Variants in ALMS1 observed in about 807,000 individuals in gnomAD.
The protein encoded by ALMS1 is centrosome-associated protein ALMS1.
In ALMS1, 271 loss-of-function variants were observed where a neutral mutation model predicts 352.2. The ratio of observed to expected loss-of-function variants is 0.77; its 90% confidence interval spans 0.70 to 0.85. The LOEUF is 0.85. Among genes scored for constraint, ALMS1 ranks in the 40% least tolerant of loss-of-function variants. The pLI is 0.00. For missense variants in ALMS1, 5,445 were observed against 4,870.7 expected, an observed-to-expected ratio of 1.12 and a Z score of -3.51; for synonymous variants, 1,865 against 1,761.2, an observed-to-expected ratio of 1.06 and a Z score of -1.48.
chr2:73,595,787 T>C (rs1163158192), intron 16 of ALMS1, among the ~76,000 whole-genome samples: 5 of 152,226 alleles, frequency 3.3e-5, no homozygotes, highest in Admixed American at 3.3e-4. Flanking sequence ...CACTTCCTTG[T>C]CAACACTTGC....
intron 1 of ALMS1, among the ~76,000 whole-genome samples, chr2:73,393,107 C>G (rs757949350): frequency 6.6e-6 from 1 of 152,136 alleles, no homozygotes; most frequent in African/African-American, 2.4e-5. Flanking sequence ...CTATTCAGGT[C>G]AAACTTTTGC....
chr2:73,415,381 G>T (rs529314448), intron 2 of ALMS1, among the ~76,000 whole-genome samples: 1 of 152,288 alleles, frequency 6.6e-6, no homozygotes, highest in South Asian at 2.1e-4. Flanking sequence ...ATGGGTGAAG[G>T]AAAGTGGGAG....
At chr2:73,577,031 A>T in intron 16 of ALMS1, among the ~76,000 whole-genome samples, 1 of 152,148 alleles carries the variant, frequency 6.6e-6, no homozygotes, top group East Asian at 1.9e-4. Flanking sequence ...AATTCTGTTC[A>T]TATGCTGCTG....
intron 9 of ALMS1, among the ~76,000 whole-genome samples, chr2:73,467,574 T>G (rs1672381879): frequency 6.6e-6 from 1 of 152,138 alleles, no homozygotes; most frequent in South Asian, 2.1e-4. Context: ...ATGCCTTACC[T>G]GGGACACTTC....
At chr2:73,454,156 G>A (rs1056019392) in intron 8 of ALMS1, 89 bp downstream of exon 8, 19 of 1,520,968 alleles carry the variant, frequency 1.2e-5, no homozygotes, top group Non-Finnish European at 1.7e-5. Context: ...CTTAGCCAAT[G>A]AAAAATACAA....
At chr2:73,504,806 G>A (rs1054859128) in intron 10 of ALMS1, among the ~76,000 whole-genome samples, 4 of 151,804 alleles carry the variant, frequency 2.6e-5, no homozygotes, top group Admixed American at 6.6e-5. Context: ...AGGTATACAT[G>A]TGCCATGGTG....
At chr2:73,482,708 TGGA>T (rs1042181642) in intron 9 of ALMS1, among the ~76,000 whole-genome samples, 1 of 152,182 alleles carries the variant, frequency 6.6e-6, no homozygotes, top group Non-Finnish European at 1.5e-5. Context: ...CATCTGGTCC[TGGA>T]CTCTTTTTGG....
At chr2:73,581,112 A>G (rs1436569996) in intron 16 of ALMS1, among the ~76,000 whole-genome samples, 1 of 152,194 alleles carries the variant, frequency 6.6e-6, no homozygotes, top group Non-Finnish European at 1.5e-5. Flanking sequence ...CCTGGTATAC[A>G]TGGGAAATTT....
At chr2:73,536,638 G>A (rs1237844170) in intron 12 of ALMS1, among the ~76,000 whole-genome samples, 5 of 152,128 alleles carry the variant, frequency 3.3e-5, no homozygotes, top group Non-Finnish European at 1.5e-5. Flanking sequence ...ATAGCTATGA[G>A]AGGAGCCAAT....
At chr2:73,561,712 T>C (rs1242584350) in intron 15 of ALMS1, among the ~76,000 whole-genome samples, 2 of 152,164 alleles carry the variant, frequency 1.3e-5, no homozygotes, top group Non-Finnish European at 2.9e-5. Flanking sequence ...CTAAGGTGGT[T>C]AATTTAATGT....
Position 73,601,200 on chromosome 2 carries a change from T to G in ALMS1, c.11878T>G (p.Ser3960Ala). 1 of 1,614,196 alleles carries G rather than the reference T, an allele frequency of 6.2e-7. No homozygotes were observed. The highest frequency in any genetic ancestry group is 8.5e-7 in the Non-Finnish European group (1 of 1,180,034). Residue 3960 changes from serine (S) to alanine (A), a missense_variant, in exon 19 of 23, where the codon TCC (serine) becomes GCC (alanine). Physicochemically the swap from Ser to Ala is moderately conservative, Grantham distance 99 (BLOSUM62 1). Transcript: ENST00000613296. ...KNKKNSHEGV[S>A]WFVPVENVES... ...CTAAAAACTGTTTCCTGTAGGAGTT[T>G]CCTGGTTTGTTCCTGTGGAAAATGT...
At position 73,408,718 on chromosome 2, in the gene ALMS1, A is replaced by G. The variant is rs1215266126; in HGVS notation, c.421A>G (p.Thr141Ala). The change falls in exon 2 of 23, where the codon ACA (threonine) becomes GCA (alanine). Residue 141 changes from threonine (T) to alanine (A), a missense_variant. Coordinates refer to ENST00000613296, the MANE Select transcript of ALMS1 (RefSeq NM_001378454.1). ...TACTAATGTGGTCTGTTTGGAAACA[A>G]CAGCTCAGCGGGGTTCTGGGGATGA... ...SDTNVVCLET[T>A]AQRGSGDDQK... 3 of 1,613,656 alleles carry G rather than the reference A, an allele frequency of 1.9e-6. No homozygotes were observed. Among genetic ancestry groups the G allele is most frequent in the East Asian group, 2.2e-5 (1 of 44,846 alleles).
At chr2:73,486,912 C>T (rs532868170) in intron 9 of ALMS1, among the ~76,000 whole-genome samples, 16 of 151,944 alleles carry the variant, frequency 1.1e-4, no homozygotes, top group East Asian at 1.9e-4. Flanking sequence ...AAAATTAGCC[C>T]GGTGTAGTGG....
chr2:73,414,474 T>TTTTTTTTTTTTG (rs757661211), intron 2 of ALMS1, among the ~76,000 whole-genome samples: 35 of 18,504 alleles, frequency 1.9e-3, no homozygotes, highest in East Asian at 4.8e-3. Context: ...TTTTTTTCCG[T>TTTTTTTTTTTTG]TTTTTTTTTT....
chr2:73,447,323 C>T (rs1027657041), intron 7 of ALMS1, among the ~76,000 whole-genome samples: 1 of 152,104 alleles, frequency 6.6e-6, no homozygotes, highest in Admixed American at 6.6e-5. Flanking sequence ...AAACTGTAAA[C>T]AACTTGCCAT....
At chr2:73,551,273 T>G (rs1302179109) in intron 13 of ALMS1, among the ~76,000 whole-genome samples, 1 of 152,072 alleles carries the variant, frequency 6.6e-6, no homozygotes, top group Admixed American at 6.5e-5. Context: ...TCATTCATGG[T>G]GGTAATCAGC....
At chr2:73,471,962 A>T (rs1672478404) in intron 9 of ALMS1, among the ~76,000 whole-genome samples, 1 of 152,080 alleles carries the variant, frequency 6.6e-6, no homozygotes, top group South Asian at 2.1e-4. Flanking sequence ...AAACATCTAT[A>T]GATGAATGGA....
chr2:73,546,589 A>G (rs560289874), intron 12 of ALMS1, among the ~76,000 whole-genome samples: 16 of 152,358 alleles, frequency 1.1e-4, no homozygotes, highest in Non-Finnish European at 1.6e-4. Context: ...TAAGAAAATA[A>G]GAAGAGTTCC....
chr2:73,540,873 G>A (rs1404067982), intron 12 of ALMS1, among the ~76,000 whole-genome samples: 1 of 152,190 alleles, frequency 6.6e-6, no homozygotes, highest in Non-Finnish European at 1.5e-5. Context: ...GATTGATAAA[G>A]CAAGTCCTTA....
Sources: gnomAD v4.1 joint callset for allele counts (sites outside exome capture counted in the v4.1 genomes callset) on GRCh38, gnomAD v4.1.1 for gene constraint, MANE v1.5 for transcripts, NCBI Gene and HGNC (gene_info 2026-07-23, HGNC 2026-07-21) for gene names.